Variants in ADAMTSL1 observed in about 807,000 individuals in gnomAD.
The protein encoded by ADAMTSL1 is ADAMTS-like protein 1.
In ADAMTSL1, 126 loss-of-function variants were observed where a neutral mutation model predicts 201.8. That is an observed-to-expected ratio of 0.62 (90% CI 0.54 to 0.72). The LOEUF (loss-of-function observed/expected upper bound fraction) is 0.72, where lower values mean the gene tolerates loss of function less well. ADAMTSL1 is among the 30% of genes least tolerant of loss of function. ADAMTSL1 has a pLI of 0.00. For synonymous variants in ADAMTSL1, 1,121 were observed against 903.4 expected, an observed-to-expected ratio of 1.24 and a Z score of -4.32; for missense variants, 2,679 against 2,277.8, an observed-to-expected ratio of 1.18 and a Z score of -3.59.
intron 1 of ADAMTSL1, among the ~76,000 whole-genome samples, chr9:18,481,501 G>GTT (rs79416288): frequency 1.4e-5 from 2 of 143,576 alleles, no homozygotes; most frequent in African/African-American, 2.5e-5. Context: ...GTTGTCAAGA[G>GTT]TTTTTTTTTT....
intron 1 of ADAMTSL1, among the ~76,000 whole-genome samples, chr9:18,084,067 T>C (rs775516072): frequency 6.6e-6 from 1 of 152,200 alleles, no homozygotes; most frequent in Non-Finnish European, 1.5e-5. Flanking sequence ...CCCTCCTCCA[T>C]TTCCCATTGT....
chr9:18,723,704 C>T (rs1295788043), intron 15 of ADAMTSL1: 2 of 152,814 alleles, frequency 1.3e-5, no homozygotes, highest in Admixed American at 6.5e-5. Context: ...CACATTTAAA[C>T]ATTTGTAGAA....
rs569505036 is a variant in ADAMTSL1 at position 18,490,817 on chromosome 9, G to A, written c.64-14012G>A. Among the ~76,000 whole-genome samples the A allele has an allele frequency of 2.0e-5, 3 of 152,308 alleles. No individual in the cohort carries two copies. The East Asian group carries it at 5.8e-4, about 29-fold the overall frequency. On this transcript the variant is annotated intron_variant, in intron 1 of 28. Coordinates refer to ENST00000380548, the MANE Select transcript of ADAMTSL1 (RefSeq NM_001040272.6). ...TACAGGATGCTGATGAATTTCAGAG[G>A]AGCCACGTCAGCCAAGCGGTGGGCA...
chr9:18,021,288 T>A (rs947741076), intron 1 of ADAMTSL1, among the ~76,000 whole-genome samples: 1 of 152,156 alleles, frequency 6.6e-6, no homozygotes, highest in African/African-American at 2.4e-5. Context: ...CACTTCATAT[T>A]TTCTTCTGTG....
intron 2 of ADAMTSL1, among the ~76,000 whole-genome samples, chr9:18,219,343 TTTTATTTATTTATTTATTTA>T (rs57023892): frequency 1.0e-4 from 15 of 145,410 alleles, no homozygotes; most frequent in African/African-American, 3.6e-4. Flanking sequence ...TACATTTTAT[TTTTATTTATTTATTTATTTA>T]TTTATTTATT....
rs78685870 is a variant in ADAMTSL1, at chr9:18,603,779, G to A, written c.475-18464G>A. Among the ~76,000 whole-genome samples, 440 of 152,134 alleles carry A rather than the reference G, an allele frequency of 2.9e-3. 3 individuals carry two copies. The highest frequency in any genetic ancestry group is 0.01 in the African/African-American group (415 of 41,498). On this transcript the variant is annotated intron_variant, in intron 4 of 28. Coordinates refer to ENST00000380548, the MANE Select transcript of ADAMTSL1 (RefSeq NM_001040272.6). Reference sequence around the variant, plus strand: ...CTTCAGGGACATTAAATACATTCACGTTGTTGTGCCATCTCCAGGACTTTT... The same window carrying A: ...CTTCAGGGACATTAAATACATTCACATTGTTGTGCCATCTCCAGGACTTTT...
chr9:18,436,710 T>C lies in ADAMTSL1; in HGVS notation c.208-68119T>C, dbSNP rs375466145. Reference sequence around the variant, plus strand: ...CTCTATGAGTAATTGATGCTGCTGATTCCCCCCTCCTCCTGGAAAATCCCT... The same window carrying C: ...CTCTATGAGTAATTGATGCTGCTGACTCCCCCCTCCTCCTGGAAAATCCCT... On this transcript the variant is annotated intron_variant, in intron 2 of 29. Coordinates refer to the ADAMTSL1 transcript ENST00000680146. 6.6e-5 allele frequency among the ~76,000 whole-genome samples: 10 copies of C among 152,282 alleles called. 1 individual carries two copies. Among genetic ancestry groups the C allele is most frequent in the African/African-American group, 2.4e-4 (10 of 41,554 alleles).
Position 18,271,862 on chromosome 9 carries a change from G to C in ADAMTSL1, c.207+107881G>C, listed in dbSNP as rs577226181. On this transcript the variant is annotated intron_variant, in intron 2 of 29. Coordinates refer to the ADAMTSL1 transcript ENST00000680146. ...GTTGTTTCCTGACTCTTTAATGATC[G>C]CCATTCTAACTGGTGTGAGATGGTA... 9.4e-3 allele frequency among the ~76,000 whole-genome samples: 1,430 copies of C among 151,998 alleles called. 23 individuals are homozygous for C. Among genetic ancestry groups the C allele is most frequent in the African/African-American group, 0.033 (1,378 of 41,410 alleles).
At chr9:18,746,933 C>T (rs1353029875) in intron 15 of ADAMTSL1, among the ~76,000 whole-genome samples, 3 of 152,100 alleles carry the variant, frequency 2.0e-5, no homozygotes, top group Non-Finnish European at 4.4e-5. Context: ...CTGCCTTTGC[C>T]CATTTGGCTG....
At chr9:18,182,603 T>A (rs2132186640) in intron 2 of ADAMTSL1, among the ~76,000 whole-genome samples, 1 of 152,302 alleles carries the variant, frequency 6.6e-6, no homozygotes, top group African/African-American at 2.4e-5. Context: ...AGATAAATGG[T>A]TGAACTGCAG....
intron 5 of ADAMTSL1, among the ~76,000 whole-genome samples, chr9:18,635,373 A>G (rs928519029): frequency 6.6e-6 from 1 of 152,178 alleles, no homozygotes; most frequent in Admixed American, 6.5e-5. Context: ...AAAATAGAGT[A>G]TAGTGTAGAG....
intron 2 of ADAMTSL1, among the ~76,000 whole-genome samples, chr9:18,237,428 T>C (rs970956424): frequency 6.6e-6 from 1 of 152,252 alleles, no homozygotes; most frequent in African/African-American, 2.4e-5. Flanking sequence ...CTCACTGTTC[T>C]CATATTCCGT....
intron 1 of ADAMTSL1, among the ~76,000 whole-genome samples, chr9:18,127,481 A>AACACACAC (rs112886805): frequency 0.03 from 4,456 of 146,162 alleles, 143 homozygotes; most frequent in African/African-American, 0.084. Flanking sequence ...GCACATACAC[A>AACACACAC]ACACACACAC....
intron 7 of ADAMTSL1, among the ~76,000 whole-genome samples, chr9:18,653,593 T>G (rs1445575297): frequency 6.9e-6 from 1 of 144,646 alleles, no homozygotes; most frequent in Non-Finnish European, 1.5e-5. Context: ...CTGGGCAACT[T>G]AGTGAGACCC....
chr9:18,581,539 T>C (rs1823090806), intron 4 of ADAMTSL1, among the ~76,000 whole-genome samples: 1 of 152,196 alleles, frequency 6.6e-6, no homozygotes, highest in African/African-American at 2.4e-5. Flanking sequence ...TAAAATATTA[T>C]CAACTCAGAA....
At chr9:18,524,810 A>G (rs1818929379) in intron 2 of ADAMTSL1, among the ~76,000 whole-genome samples, 2 of 152,212 alleles carry the variant, frequency 1.3e-5, no homozygotes, top group East Asian at 1.9e-4. Context: ...CATGGTGGAC[A>G]AGCTTTTTGA....
chr9:18,624,516 T>C (rs975131936), intron 5 of ADAMTSL1, among the ~76,000 whole-genome samples: 3 of 152,350 alleles, frequency 2.0e-5, no homozygotes, highest in African/African-American at 4.8e-5. Flanking sequence ...TAGGAATTAC[T>C]GTTAGGTACA....
chr9:18,080,988 A>T (rs978248808), intron 1 of ADAMTSL1, among the ~76,000 whole-genome samples: 7 of 152,232 alleles, frequency 4.6e-5, no homozygotes, highest in African/African-American at 1.4e-4. Flanking sequence ...TCAATGATTT[A>T]TCTGGTGATA....
At chr9:18,710,629 T>G (rs1832507225) in intron 14 of ADAMTSL1, among the ~76,000 whole-genome samples, 2 of 148,948 alleles carry the variant, frequency 1.3e-5, no homozygotes, top group Non-Finnish European at 3.0e-5. Context: ...GCCCTTACTT[T>G]CCCCATTCCT....
Sources: allele counts gnomAD v4.1 joint callset (sites outside exome capture counted in the v4.1 genomes callset), GRCh38; gene constraint gnomAD v4.1.1; transcripts MANE v1.5; gene names NCBI Gene and HGNC (gene_info 2026-07-23, HGNC 2026-07-21).